ATAD2B: variants seen among roughly 807,000 people sequenced by gnomAD.
ATAD2B encodes ATPase family AAA domain-containing protein 2B.
A neutral mutation model predicts 167.6 loss-of-function variants in ATAD2B; 40 were observed. The observed-to-expected ratio is 0.24, with a 90% confidence interval of 0.19 to 0.31. The LOEUF (loss-of-function observed/expected upper bound fraction) is 0.31. Ranked by LOEUF, ATAD2B falls within the 10% of genes least tolerant of loss-of-function variation. ATAD2B has a pLI of 1.00. For synonymous variants in ATAD2B, 579 were observed against 596.5 expected, an observed-to-expected ratio of 0.97 and a Z score of 0.43; for missense variants, 1,242 against 1,757.2, an observed-to-expected ratio of 0.71 and a Z score of 5.24.
chr2:23,682,875 C>T, the ATAD2B span, among the ~76,000 whole-genome samples: 22 of 116,532 alleles, frequency 1.9e-4, no homozygotes, highest in African/African-American at 6.9e-4. The surrounding 1 kb of genome is among the most constrained non-coding windows in gnomAD (Gnocchi z 4.1). Context: ...TTGGGGTTGG[C>T]GGGGTCAGTG....
intron 14 of ATAD2B, among the ~76,000 whole-genome samples, 192 bp from the exon 15 acceptor site, chr2:23,829,131 A>T (rs1688667973): frequency 7.2e-6 from 1 of 139,504 alleles, no homozygotes. Context: ...TAAATCTGGG[A>T]GATATGTAGT....
chr2:23,725,290 A>C, the ATAD2B span, among the ~76,000 whole-genome samples: 1 of 152,184 alleles, frequency 6.6e-6, no homozygotes, highest in Non-Finnish European at 1.5e-5. Flanking sequence ...TCACTACTAG[A>C]CCTTCTCCAA....
chr2:23,785,986 G>T, intron 21 of ATAD2B, 41 bp downstream of exon 21: 15 of 1,489,582 alleles, frequency 1.0e-5, no homozygotes, highest in South Asian at 2.8e-5. Context: ...TTTTCTTTTA[G>T]CCAGTTCAAC....
chr2:23,792,725 G>C (rs989752912), intron 19 of ATAD2B, among the ~76,000 whole-genome samples: 2 of 151,886 alleles, frequency 1.3e-5, no homozygotes, highest in Non-Finnish European at 2.9e-5. Flanking sequence ...CACTTTGGGA[G>C]GCTGAGGTGG....
rs372015732 is a variant in ATAD2B at position 23,757,585 on chromosome 2, G to C, written c.3911C>G (p.Ser1304Cys). 6.2e-7 allele frequency: 1 copy of C among 1,613,026 alleles called. No individual in the cohort carries two copies. The highest frequency in any genetic ancestry group is 8.5e-7 in the Non-Finnish European group (1 of 1,179,516). Residue 1304 changes from serine to cysteine, a missense_variant, in exon 25 of 28, where the codon TCT becomes TGT. Physicochemically the swap from Ser to Cys is moderately radical, Grantham distance 112 (BLOSUM62 -1). This residue lies in a region of ATAD2B where 282 missense variants were observed against 346.8 expected (regional missense o/e 0.81). Transcript: ENST00000238789. The stretch of plus-strand genomic sequence containing the variant: ...GTCCTCCAGAAGAATCTTTTGTTCA[G>C]AACTACATTTATCTCCACTATCACA... ...SFCDSGDKCS[S>C]EQKILLEDQS...
chr2:23,889,146 T>A (rs529615426), intron 2 of ATAD2B, among the ~76,000 whole-genome samples: 1 of 152,074 alleles, frequency 6.6e-6, no homozygotes, highest in Admixed American at 6.6e-5. Flanking sequence ...ATCCAGAAAA[T>A]CACAAATATG....
the ATAD2B span, among the ~76,000 whole-genome samples, chr2:23,737,979 CGAGAA>C: frequency 4.0e-5 from 6 of 151,864 alleles, no homozygotes; most frequent in Non-Finnish European, 7.4e-5. Flanking sequence ...TGAAATGAAG[CGAGAA>C]GAGAAGTTTA....
chr2:23,893,582 G>T (rs1444718244), intron 2 of ATAD2B, among the ~76,000 whole-genome samples: 3 of 149,734 alleles, frequency 2.0e-5, no homozygotes, highest in South Asian at 2.1e-4. Context: ...TTATTTTCAG[G>T]TCATCTGAAA....
At position 23,749,968 on chromosome 2, in the gene ATAD2B, G is replaced by A. The variant is rs1343945624; in HGVS notation, c.*2078C>T. 2 of 151,712 alleles carry A rather than the reference G, an allele frequency of 1.3e-5. No individual in the cohort carries two copies. Among genetic ancestry groups the A allele is most frequent in the African/African-American group, 4.8e-5 (2 of 41,328 alleles). The allele number at this position is 151,712 out of a possible 1,614,324, so 9.4% of individuals were successfully genotyped here. A position where few individuals can be genotyped will look rare whatever the true frequency, so the allele number is the denominator to read the frequency against. ...ATAGTGCAGCAAGAACCTGAGACTT[G>A]CAAAAAACCCTTTTACCAGAAACTT... On this transcript the variant is annotated 3_prime_UTR_variant, in exon 28 of 28. Coordinates refer to ENST00000238789, the MANE Select transcript of ATAD2B (RefSeq NM_017552.4).
the ATAD2B span, among the ~76,000 whole-genome samples, chr2:23,683,778 CCTTG>C: frequency 2.6e-5 from 4 of 152,142 alleles, no homozygotes; most frequent in Non-Finnish European, 5.9e-5. Context: ...GGTCCCTGTC[CCTTG>C]CTTGCTTGCT....
At chr2:23,823,613 T>C (rs1338897882) in intron 15 of ATAD2B, 44 bp from the exon 16 acceptor site, 1 of 1,523,166 alleles carries the variant, frequency 6.6e-7, no homozygotes, top group Non-Finnish European at 9.0e-7. Context: ...CATTCATTAT[T>C]CCATGCACCA....
chr2:23,833,368 T>C lies in ATAD2B; in HGVS notation c.1728+551A>G, dbSNP rs76852759. 2.4e-3 allele frequency among the ~76,000 whole-genome samples: 270 copies of C among 112,232 alleles called. 1 individual carries two copies. Among genetic ancestry groups the C allele is most frequent in the African/African-American group, 9.0e-3 (259 of 28,794 alleles). The allele number at this position is 112,232 out of a possible 152,430, so 73.6% of individuals were successfully genotyped here. ...ATACTAGTCAAACCAAGAATAATAT[T>C]AAAAGTTTGAAGTTGAATTGGGAAA... On this transcript the variant is annotated intron_variant, in intron 14 of 27. Coordinates refer to ENST00000238789, the MANE Select transcript of ATAD2B (RefSeq NM_017552.4).
chr2:23,903,206 A>T (rs1284615431), intron 1 of ATAD2B, among the ~76,000 whole-genome samples: 1 of 151,584 alleles, frequency 6.6e-6, no homozygotes, highest in Admixed American at 6.6e-5. Flanking sequence ...ACTGCACTCC[A>T]GTCTGGGCAA....
intron 7 of ATAD2B, among the ~76,000 whole-genome samples, chr2:23,877,137 T>C (rs1399716333): frequency 6.6e-6 from 1 of 151,968 alleles, no homozygotes; most frequent in African/African-American, 2.4e-5. Flanking sequence ...TTAAAATTTT[T>C]TTTTACAGGC....
At chr2:23,841,820 A>T (rs984719851) in intron 13 of ATAD2B, among the ~76,000 whole-genome samples, 2 of 152,200 alleles carry the variant, frequency 1.3e-5, no homozygotes, top group African/African-American at 4.8e-5. Context: ...TCATCCAGAA[A>T]TTCATTCCTT....
At chr2:23,803,043 T>A (rs1683748211) in intron 18 of ATAD2B, among the ~76,000 whole-genome samples, 2 of 152,142 alleles carry the variant, frequency 1.3e-5, no homozygotes, top group African/African-American at 4.8e-5. Context: ...CGCTTATCAG[T>A]CCCTTTTTTC....
chr2:23,714,232 CAA>C, the ATAD2B span, among the ~76,000 whole-genome samples: 7 of 149,546 alleles, frequency 4.7e-5, no homozygotes, highest in Non-Finnish European at 1.0e-4. Flanking sequence ...TTAGAATTCT[CAA>C]AATACTTTTT....
chr2:23,911,369 C>G (rs1702276101), intron 1 of ATAD2B, among the ~76,000 whole-genome samples: 1 of 151,946 alleles, frequency 6.6e-6, no homozygotes, highest in Admixed American at 6.6e-5. Context: ...AGCTTGGCAT[C>G]TGGGTGAAAC....
chr2:23,856,989 G>A (rs917866992), intron 13 of ATAD2B, among the ~76,000 whole-genome samples: 1 of 151,514 alleles, frequency 6.6e-6, no homozygotes, highest in Non-Finnish European at 1.5e-5. Context: ...GGGGAGGATG[G>A]TTTGAGGCCA....
Sources: allele counts gnomAD v4.1 joint callset (sites outside exome capture counted in the v4.1 genomes callset), GRCh38; gene constraint gnomAD v4.1.1; regional missense constraint gnomAD v4.1.1; non-coding constraint Gnocchi (gnomAD v3.1); transcripts MANE v1.5; gene names NCBI Gene and HGNC (gene_info 2026-07-23, HGNC 2026-07-21).